Variants in NMT1 observed in about 807,000 individuals in gnomAD.
NMT1 encodes glycylpeptide N-tetradecanoyltransferase 1.
Under a neutral mutation model 63.4 loss-of-function variants are expected in NMT1, and 12 were observed. The observed-to-expected ratio is 0.19, with a 90% CI of 0.12 to 0.31. The LOEUF (loss-of-function observed/expected upper bound fraction) is 0.31. NMT1 is among the 10% of genes least tolerant of loss of function. NMT1 has a pLI of 1.00. For missense variants in NMT1, 432 were observed against 634.6 expected (o/e 0.68, Z 3.43); for synonymous variants, 228 against 234.3 (o/e 0.97, Z 0.25).
intron 1 of NMT1, among the ~76,000 whole-genome samples, chr17:45,075,351 C>G (rs6503420): frequency 0.73 from 110,808 of 151,472 alleles, 41,455 homozygotes; most frequent in African/African-American, 0.9. Flanking sequence ...GGGCCTGATG[C>G]TGGGCGCCTG....
chr17:45,105,085 C>G lies in NMT1; in HGVS notation c.1470+89C>G. 6.5e-7 allele frequency: 1 copy of G among 1,547,732 alleles called. No individual in the cohort carries two copies. Among genetic ancestry groups the G allele is most frequent in the Non-Finnish European group, 8.8e-7 (1 of 1,132,054 alleles). On this transcript the variant is annotated intron_variant, in intron 11 of 11. Transcript: ENST00000258960. The surrounding 1 kb of genome is among the most constrained non-coding windows in gnomAD (Gnocchi z 4.2). ...CCGGGCCATGGGTTGAGGAGACAGCCGCAGTCTGGGTCCTTGTTACCTCGA... is the reference window on the plus strand; with the variant it reads ...CCGGGCCATGGGTTGAGGAGACAGCGGCAGTCTGGGTCCTTGTTACCTCGA...
Position 45,105,648 on chromosome 17 carries a change from C to G in NMT1, c.*9C>G, listed in dbSNP as rs2143527837. 1.2e-6 allele frequency: 2 copies of G among 1,612,624 alleles called. No individual in the cohort carries two copies. Among genetic ancestry groups the G allele is most frequent in the Non-Finnish European group, 1.7e-6 (2 of 1,179,574 alleles). On this transcript the variant is annotated 3_prime_UTR_variant, in exon 12 of 12. Coordinates refer to ENST00000258960, the MANE Select transcript of NMT1 (RefSeq NM_021079.5). The surrounding 1 kb of genome is among the most constrained non-coding windows in gnomAD (Gnocchi z 4.2). ...GACTGGTGCTACAATAACCAGTCAC[C>G]AGTGCGATTCTGGATAAAGCCACTG... is the stretch of plus-strand genomic sequence containing the variant.
intron 1 of NMT1, among the ~76,000 whole-genome samples, chr17:45,068,631 T>C (rs1346488437): frequency 6.6e-6 from 1 of 152,350 alleles, no homozygotes; most frequent in East Asian, 1.9e-4. Flanking sequence ...ATTTCACTTA[T>C]GAAGACTTTA....
At position 45,103,680 on chromosome 17, in the gene NMT1, A is replaced by AC. The variant is rs1156378026; in HGVS notation, c.1165-28dup. ...GCCGCAGTGCCACTGTGCATGCTTG[A>AC]CATTGCCTCTTTATTGCCTTCCCTT... On this transcript the variant is annotated intron_variant, in intron 9 of 11. Transcript: ENST00000258960. The surrounding 1 kb of genome is among the most constrained non-coding windows in gnomAD (Gnocchi z 4.8). 1.3e-6 allele frequency: 2 copies of AC among 1,597,186 alleles called. No individual in the cohort carries two copies. The highest frequency in any genetic ancestry group is 4.5e-5 in the East Asian group (2 of 44,794).
chr17:45,067,743 T>C (rs751683722), intron 1 of NMT1, among the ~76,000 whole-genome samples: 1 of 152,208 alleles, frequency 6.6e-6, no homozygotes, highest in Non-Finnish European at 1.5e-5. Flanking sequence ...ATCACTGATA[T>C]CAAATAAGTG....
chr17:45,102,070 A>T (rs1318545772), intron 8 of NMT1, among the ~76,000 whole-genome samples: 1 of 152,202 alleles, frequency 6.6e-6, no homozygotes, highest in Non-Finnish European at 1.5e-5. Flanking sequence ...GGGAGCTGCC[A>T]TGTAGAATGA....
intron 8 of NMT1, 85 bp from the exon 9 acceptor site, chr17:45,102,866 C>T: frequency 7.5e-7 from 1 of 1,326,058 alleles, no homozygotes; most frequent in South Asian, 1.5e-5. Context: ...CAGGGATTCT[C>T]TCTTGAGGGC....
At chr17:45,088,715 C>G (rs1344432788) in intron 3 of NMT1, among the ~76,000 whole-genome samples, 2 of 151,490 alleles carry the variant, frequency 1.3e-5, no homozygotes, top group African/African-American at 4.9e-5. Context: ...GATCGCACCA[C>G]TGCACTCCAG....
At chr17:45,102,870 T>G in intron 8 of NMT1, 81 bp from the exon 9 acceptor site, 1 of 1,357,000 alleles carries the variant, frequency 7.4e-7, no homozygotes, top group Non-Finnish European at 1.0e-6. Context: ...GATTCTCTCT[T>G]GAGGGCCTGA....
At chr17:45,074,942 G>C (rs189738599) in intron 1 of NMT1, among the ~76,000 whole-genome samples, 2 of 152,184 alleles carry the variant, frequency 1.3e-5, no homozygotes, top group Admixed American at 1.3e-4. Context: ...AGCCAGGCAC[G>C]GTGGCTCATT....
chr17:45,085,651 T>C (rs73984321), intron 2 of NMT1, among the ~76,000 whole-genome samples: 34,152 of 152,000 alleles, frequency 0.22, 4,387 homozygotes, highest in African/African-American at 0.33. Flanking sequence ...ACATTGAGCA[T>C]GTATTACTTT....
At chr17:45,087,727 A>C (rs971499563) in intron 3 of NMT1, among the ~76,000 whole-genome samples, 1 of 152,180 alleles carries the variant, frequency 6.6e-6, no homozygotes, top group Admixed American at 6.5e-5. Flanking sequence ...GCTTGTCCAC[A>C]TTACTGCTCC....
At position 45,105,478 on chromosome 17, in the gene NMT1, G is replaced by T; in HGVS notation, c.1471-141G>T. 1 of 866,034 alleles carries T rather than the reference G, an allele frequency of 1.2e-6. No homozygotes were observed. Among genetic ancestry groups the T allele is most frequent in the Non-Finnish European group, 1.9e-6 (1 of 527,990 alleles). The allele number at this position is 866,034 out of a possible 1,614,324, so 53.6% of individuals were successfully genotyped here. On this transcript the variant is annotated intron_variant, in intron 11 of 11. Coordinates refer to ENST00000258960, the MANE Select transcript of NMT1 (RefSeq NM_021079.5). This position sits in a 1 kb window ranked among gnomAD's most constrained non-coding sequence, Gnocchi z 4.2. ...ACCCTGGTGTGGAGGTTGAGTGTGG[G>T]GCCGGCTGGGTGTGAGTCTGCTCCC...
At chr17:45,074,281 C>G (rs1329265680) in intron 1 of NMT1, among the ~76,000 whole-genome samples, 1 of 148,264 alleles carries the variant, frequency 6.7e-6, no homozygotes, top group African/African-American at 2.5e-5. Flanking sequence ...GTGGCTGGTT[C>G]TCTGCTCACT....
At chr17:45,093,903 C>A in intron 4 of NMT1, 100 bp downstream of exon 4, 1 of 964,646 alleles carries the variant, frequency 1.0e-6, no homozygotes, top group South Asian at 1.5e-5. Flanking sequence ...CCCTAGAGAG[C>A]TGAGCCAAGG....
intron 3 of NMT1, among the ~76,000 whole-genome samples, chr17:45,091,566 A>G (rs551634267): frequency 6.6e-6 from 1 of 152,358 alleles, no homozygotes; most frequent in East Asian, 1.9e-4. Flanking sequence ...TCTGAAGTGT[A>G]TAGGAAAAGG....
At position 45,100,678 on chromosome 17, in the gene NMT1, G is replaced by A. The variant is rs191161321; in HGVS notation, c.993+1165G>A. Among the ~76,000 whole-genome samples, 8 of 150,050 alleles carry A rather than the reference G, an allele frequency of 5.3e-5. No homozygotes were observed. In the East Asian group the frequency reaches 1.6e-3, roughly 30 times the overall value. On this transcript the variant is annotated intron_variant, in intron 8 of 11. Transcript: ENST00000258960. ...AGATCGAGACCATCCTGGCCAACAC[G>A]GTGAAACCCTGTCTCTAATAAAAAT...
At chr17:45,061,602 G>C in intron 1 of NMT1, 142 bp downstream of exon 1, 1 of 703,720 alleles carries the variant, frequency 1.4e-6, no homozygotes, top group East Asian at 2.9e-5. Context: ...CCTGGCGATT[G>C]GTTATTGCCT....
rs1335366133 is a variant in NMT1, at chr17:45,086,575, A to G, written c.308A>G (p.Gln103Arg). 5 of 1,613,664 alleles carry G rather than the reference A, an allele frequency of 3.1e-6. No homozygotes were observed. The highest frequency in any genetic ancestry group is 4.2e-6 in the Non-Finnish European group (5 of 1,179,840). Residue 103 changes from glutamine (Q) to arginine (R), a missense_variant, in exon 3 of 12, where the codon CAG (glutamine) becomes CGG (arginine). By Grantham distance (43) the Gln-to-Arg change is conservative. This residue lies in a region of NMT1 where 295 missense variants were observed against 489.7 expected (regional missense o/e 0.60). Transcript: ENST00000258960. ...QKAIELFSVG[Q>R]GPAKTMEEAS... ...GCCATTGAGCTGTTCTCAGTGGGTC[A>G]GGGACCTGCCAAAACCATGGAGGAG...
Sources: allele counts gnomAD v4.1 joint callset (sites outside exome capture counted in the v4.1 genomes callset), GRCh38; gene constraint gnomAD v4.1.1; regional missense constraint gnomAD v4.1.1; non-coding constraint Gnocchi (gnomAD v3.1); transcripts MANE v1.5; gene names NCBI Gene and HGNC (gene_info 2026-07-23, HGNC 2026-07-21).